Variants in BEST3 observed in about 807,000 individuals in gnomAD.
BEST3 encodes bestrophin-3.
Under a neutral mutation model 47.1 loss-of-function variants are expected in BEST3, and 50 were observed. The observed-to-expected ratio is 1.06, with a 90% CI of 0.85 to 1.34. BEST3 has a LOEUF of 1.34. Among genes scored for constraint, BEST3 ranks in the 40% most tolerant of loss-of-function variants. BEST3 has a pLI of 0.00. For synonymous variants in BEST3, 282 were observed against 298.8 expected (o/e 0.94, Z 0.58); for missense variants, 765 against 817.0 (o/e 0.94, Z 0.78).
chr12:69,655,248 CCTT>C lies in BEST3; in HGVS notation c.1663_1665del (p.Lys555del). 6.2e-7 allele frequency: 1 copy of C among 1,614,160 alleles called. No homozygotes were observed. Among genetic ancestry groups the C allele is most frequent in the African/African-American group, 1.3e-5 (1 of 75,034 alleles). On this transcript the variant is annotated inframe_deletion, in exon 10 of 10. Coordinates refer to ENST00000330891, the MANE Select transcript of BEST3 (RefSeq NM_032735.3). ...GGACTGGGGCCTCCAGGAGGTGTCT[CCTT>C]CTCTGAGGGAGACAGGATGGATCCC...
chr12:69,674,443 CT>C (rs1884776146), intron 7 of BEST3, among the ~76,000 whole-genome samples: 1 of 152,058 alleles, frequency 6.6e-6, no homozygotes, highest in Non-Finnish European at 1.5e-5. Context: ...ATATGTGGCT[CT>C]TATTTTAAGT....
chr12:69,694,244 G>A (rs1044842134), intron 3 of BEST3, 126 bp downstream of exon 3: 3 of 630,276 alleles, frequency 4.8e-6, no homozygotes, highest in African/African-American at 3.7e-5. Context: ...GATGATTCTG[G>A]TTCTATTGCA....
rs1156566689 is a variant in BEST3, at chr12:69,679,030, A to T, written c.482-137T>A. 8 of 748,904 alleles carry T rather than the reference A, an allele frequency of 1.1e-5. No individual in the cohort carries two copies. The Admixed American group carries it at 1.2e-4, about 11-fold the overall frequency. The allele number at this position is 748,904 out of a possible 1,614,324, so 46.4% of individuals were successfully genotyped here. On this transcript the variant is annotated intron_variant, in intron 4 of 9. Transcript: ENST00000330891. ...TGGAATAAAGCTTCCTGTCTCAAGT[A>T]GTTTATACTTGCATTAGAGTTAAGG...
chr12:69,653,841 A>G lies in BEST3; in HGVS notation c.*1066T>C, dbSNP rs1014402580. 7.7e-5 allele frequency: 76 copies of G among 985,364 alleles called. No individual in the cohort carries two copies. Among genetic ancestry groups the G allele is most frequent in the Non-Finnish European group, 9.0e-5 (75 of 829,960 alleles). 61.0% of individuals were successfully genotyped at this position (985,364 alleles called of 1,614,324 possible). On this transcript the variant is annotated 3_prime_UTR_variant, in exon 10 of 10. Transcript: ENST00000330891. Reference sequence around the variant, plus strand: ...TGCCCATTCCCAAATGACCCGATAGACACAGTAACTGGTCCCGTGTTGCGA... The same window carrying G: ...TGCCCATTCCCAAATGACCCGATAGGCACAGTAACTGGTCCCGTGTTGCGA...
Position 69,673,062 on chromosome 12 carries a change from G to T in BEST3, c.868-97C>A, listed in dbSNP as rs543277735. ...CCTGTTTTCCTCTCTGCTTCCTTGT[G>T]TGACTTTCTAATACGAAGAGTAGAG... On this transcript the variant is annotated intron_variant, in intron 7 of 9. Coordinates refer to ENST00000330891, the MANE Select transcript of BEST3 (RefSeq NM_032735.3). 8.8e-6 allele frequency: 8 copies of T among 911,708 alleles called. No homozygotes were observed. The East Asian group carries it at 2.0e-4, about 23-fold the overall frequency. The allele number at this position is 911,708 out of a possible 1,614,324, so 56.5% of individuals were successfully genotyped here.
chr12:69,678,644 G>T, intron 5 of BEST3, 95 bp downstream of exon 5: 2 of 1,245,420 alleles, frequency 1.6e-6, no homozygotes, highest in Non-Finnish European at 2.3e-6. Context: ...AACCAGGACT[G>T]AACAAAGCTG....
chr12:69,673,075 A>G (rs1746905349), intron 7 of BEST3, 110 bp from the exon 8 acceptor site: 6 of 795,782 alleles, frequency 7.5e-6, no homozygotes, highest in Middle Eastern at 2.3e-4. Flanking sequence ...ACTTTCTAAT[A>G]CGAAGAGTAG....
At chr12:69,681,948 G>A (rs1408224032) in intron 4 of BEST3, among the ~76,000 whole-genome samples, 3 of 152,040 alleles carry the variant, frequency 2.0e-5, no homozygotes, top group Non-Finnish European at 4.4e-5. Flanking sequence ...GGGTGTAGTG[G>A]TAGGGACCTG....
intron 3 of BEST3, 180 bp from the exon 4 acceptor site, chr12:69,694,087 ACCC>A: frequency 1.7e-6 from 1 of 601,676 alleles, no homozygotes; most frequent in Non-Finnish European, 2.9e-6. Flanking sequence ...ATGCCTAAGC[ACCC>A]TGTAAGTGGG....
At chr12:69,684,981 G>GTTCTGTTCTA (rs1885480485) in intron 4 of BEST3, among the ~76,000 whole-genome samples, 1 of 142,092 alleles carries the variant, frequency 7.0e-6, no homozygotes. Flanking sequence ...GCTTTCTGCT[G>GTTCTGTTCTA]TTCTATTCTA....
intron 9 of BEST3, among the ~76,000 whole-genome samples, chr12:69,659,053 T>G (rs1172202151): frequency 6.6e-6 from 1 of 152,150 alleles, no homozygotes; most frequent in Non-Finnish European, 1.5e-5. Flanking sequence ...TTGAAAACTT[T>G]TCACTCCTTT....
In BEST3 at chr12:69,653,991, A is replaced by G. The variant is rs1883306095; in HGVS notation, c.*916T>C. The stretch of plus-strand genomic sequence containing the variant: ...TGGCTTCGTTTTTCTCCAGTGCCCA[A>G]CACCAAATAGTGGAAGCAGAAAGAA... On this transcript the variant is annotated 3_prime_UTR_variant, in exon 10 of 10. Coordinates refer to ENST00000330891, the MANE Select transcript of BEST3 (RefSeq NM_032735.3). 6.1e-6 allele frequency: 6 copies of G among 985,432 alleles called. No individual in the cohort carries two copies. Among genetic ancestry groups the G allele is most frequent in the Non-Finnish European group, 6.0e-6 (5 of 829,946 alleles). The allele number at this position is 985,432 out of a possible 1,614,324, so 61.0% of individuals were successfully genotyped here.
chr12:69,654,239 C>G lies in BEST3; in HGVS notation c.*668G>C, dbSNP rs17225440. On this transcript the variant is annotated 3_prime_UTR_variant, in exon 10 of 10. Transcript: ENST00000330891. ...AAAATGGGACAGATTACTAGAAAAG[C>G]AGCACAACCAGGGAGAAGGGAAGGG... is the stretch of plus-strand genomic sequence containing the variant. 0.4 allele frequency: 398,227 copies of G among 983,534 alleles called. 82,442 individuals are homozygous for G. Among genetic ancestry groups the G allele is most frequent in the South Asian group, 0.6 (12,850 of 21,250 alleles). The allele number at this position is 983,534 out of a possible 1,614,324, so 60.9% of individuals were successfully genotyped here. A position where few individuals can be genotyped will look rare whatever the true frequency, so the allele number is the denominator to read the frequency against.
chr12:69,656,141 C>T (rs1336259311), intron 9 of BEST3, among the ~76,000 whole-genome samples: 1 of 152,278 alleles, frequency 6.6e-6, no homozygotes, highest in East Asian at 1.9e-4. Flanking sequence ...TAAGTGATGA[C>T]ATCACCACAT....
chr12:69,682,487 T>C (rs1052925022), intron 4 of BEST3, among the ~76,000 whole-genome samples: 3 of 152,234 alleles, frequency 2.0e-5, no homozygotes, highest in Admixed American at 6.5e-5. Flanking sequence ...TCTCTTCTTG[T>C]TTCTCAGTGC....
chr12:69,666,310 G>A (rs540784996), intron 9 of BEST3, among the ~76,000 whole-genome samples: 2 of 152,308 alleles, frequency 1.3e-5, no homozygotes, highest in South Asian at 4.1e-4. Flanking sequence ...GGGCCATCAT[G>A]TCTGGCCCGG....
rs370129964 is a variant in BEST3 at position 69,677,279 on chromosome 12, C to T, written c.637-22G>A. Reference sequence around the variant, plus strand: ...TTTCCTAAGCCAGAAACAGATCAAGCATGATTTACTAAGATGACGGGTGTG... The same window carrying T: ...TTTCCTAAGCCAGAAACAGATCAAGTATGATTTACTAAGATGACGGGTGTG... On this transcript the variant is annotated intron_variant, in intron 5 of 9. Coordinates refer to ENST00000330891, the MANE Select transcript of BEST3 (RefSeq NM_032735.3). 5.0e-5 allele frequency: 80 copies of T among 1,593,820 alleles called. No individual in the cohort carries two copies. The East Asian group carries it at 1.1e-3, about 21-fold the overall frequency.
intron 5 of BEST3, among the ~76,000 whole-genome samples, chr12:69,678,199 G>C (rs1205478539): frequency 6.6e-6 from 1 of 151,220 alleles, no homozygotes; most frequent in African/African-American, 2.4e-5. Flanking sequence ...CCAGGGAGGG[G>C]ACTGTCATGG....
intron 8 of BEST3, among the ~76,000 whole-genome samples, chr12:69,671,963 G>A (rs565869867): frequency 2.0e-5 from 3 of 152,300 alleles, no homozygotes; most frequent in Non-Finnish European, 4.4e-5. Flanking sequence ...TGAAGATTCC[G>A]CTTTTCATTC....
Sources: allele counts gnomAD v4.1 joint callset (sites outside exome capture counted in the v4.1 genomes callset), GRCh38; gene constraint gnomAD v4.1.1; transcripts MANE v1.5; gene names NCBI Gene and HGNC (gene_info 2026-07-23, HGNC 2026-07-21).